Variants in KIF3A observed in about 807,000 individuals in gnomAD.
KIF3A encodes kinesin-like protein KIF3A.
KIF3A carries 27 observed loss-of-function variants against 92.6 expected under a neutral mutation model. The observed-to-expected ratio is 0.29, with a 90% confidence interval of 0.21 to 0.40. KIF3A has a LOEUF of 0.40. KIF3A is among the 10% of genes least tolerant of loss of function. The probability of loss-of-function intolerance (pLI) is 1.00; values close to 1 mark genes in which losing one functional copy is unlikely to be tolerated. For missense variants in KIF3A, 581 were observed against 872.6 expected, an observed-to-expected ratio of 0.67 and a Z score of 4.21; for synonymous variants, 250 against 275.4, an observed-to-expected ratio of 0.91 and a Z score of 0.92.
rs889782733 is a variant in KIF3A, at chr5:132,715,545, A to T, written c.1129+212T>A. On this transcript the variant is annotated intron_variant, in intron 8 of 18. Coordinates refer to ENST00000403231, the MANE Select transcript of KIF3A (RefSeq NM_001300791.2). Reference sequence around the variant, plus strand: ...AAACATCATGCAAATGTTTTTAAAAAACCACATACACAAATATTATGTAAT... The same window carrying T: ...AAACATCATGCAAATGTTTTTAAAATACCACATACACAAATATTATGTAAT... Among the ~76,000 whole-genome samples the T allele has an allele frequency of 2.0e-5, 3 of 152,234 alleles. No individual in the cohort carries two copies. In the East Asian group the frequency reaches 5.8e-4, roughly 29 times the overall value.
intron 18 of KIF3A, among the ~76,000 whole-genome samples, chr5:132,698,174 A>G (rs1039974051): frequency 1.3e-5 from 2 of 152,180 alleles, no homozygotes; most frequent in African/African-American, 2.4e-5. Context: ...AGATATCAAA[A>G]CCGTACAACT....
intron 9 of KIF3A, among the ~76,000 whole-genome samples, chr5:132,709,230 C>T (rs1333260572): frequency 6.6e-6 from 1 of 152,106 alleles, no homozygotes; most frequent in East Asian, 1.9e-4. Flanking sequence ...GCAGATCCTA[C>T]TGGTCACCTA....
At chr5:132,736,800 C>T (rs1204938744) in intron 1 of KIF3A, 4 of 460,372 alleles carry the variant, frequency 8.7e-6, no homozygotes, top group Admixed American at 2.6e-5. Flanking sequence ...CTCCATGACC[C>T]CTAATAAGGG....
At chr5:132,722,676 C>T (rs1462189060) in intron 4 of KIF3A, among the ~76,000 whole-genome samples, 3 of 152,130 alleles carry the variant, frequency 2.0e-5, no homozygotes, top group Non-Finnish European at 4.4e-5. Context: ...AGACAAAGTG[C>T]TTTTCCATAT....
chr5:132,730,294 C>T (rs1365911114), intron 2 of KIF3A, among the ~76,000 whole-genome samples: 4 of 151,864 alleles, frequency 2.6e-5, no homozygotes, highest in African/African-American at 9.7e-5. Context: ...CGGTGAAACC[C>T]GTCCCTACTA....
chr5:132,737,479 G>C lies in KIF3A; in HGVS notation c.-60C>G, dbSNP rs1193947141. ...CCCGGGGTGCAGCCCAGCGACACCG[G>C]GTGCGCAGAAAGGATGGCCAGAGAC... On this transcript the variant is annotated 5_prime_UTR_variant, in exon 1 of 19. Coordinates refer to ENST00000403231, the MANE Select transcript of KIF3A (RefSeq NM_001300791.2). 8 of 1,588,112 alleles carry C rather than the reference G, an allele frequency of 5.0e-6. No homozygotes were observed. Among genetic ancestry groups the C allele is most frequent in the Non-Finnish European group, 6.9e-6 (8 of 1,167,696 alleles).
chr5:132,735,736 C>G (rs1754369580), intron 1 of KIF3A, among the ~76,000 whole-genome samples: 1 of 152,210 alleles, frequency 6.6e-6, no homozygotes, highest in African/African-American at 2.4e-5. Flanking sequence ...TGTCAACACA[C>G]ATCTAATCAT....
chr5:132,721,119 G>A (rs990030015), intron 4 of KIF3A, among the ~76,000 whole-genome samples: 3 of 152,168 alleles, frequency 2.0e-5, no homozygotes, highest in South Asian at 2.1e-4. Context: ...TTAACAAACC[G>A]AAAAAGACAA....
intron 15 of KIF3A, among the ~76,000 whole-genome samples, chr5:132,701,268 C>T (rs1005952407): frequency 4.6e-5 from 7 of 152,018 alleles, no homozygotes; most frequent in East Asian, 3.9e-4. Flanking sequence ...GAGGCCAAAA[C>T]GGGCAGATCA....
chr5:132,705,471 TCAAAACCC>T (rs1253419008), intron 11 of KIF3A, among the ~76,000 whole-genome samples: 2 of 151,974 alleles, frequency 1.3e-5, no homozygotes, highest in Non-Finnish European at 2.9e-5. Flanking sequence ...AAAAACAGTT[TCAAAACCC>T]ATTAAGAAGC....
At chr5:132,711,251 T>C (rs1753413523) in intron 8 of KIF3A, among the ~76,000 whole-genome samples, 194 bp from the exon 9 acceptor site, 1 of 152,198 alleles carries the variant, frequency 6.6e-6, no homozygotes, top group Non-Finnish European at 1.5e-5. Flanking sequence ...AAAGACTTTA[T>C]TTTTAAAGTC....
intron 1 of KIF3A, among the ~76,000 whole-genome samples, chr5:132,737,187 C>G (rs1326266099): frequency 6.6e-6 from 1 of 152,250 alleles, no homozygotes; most frequent in Non-Finnish European, 1.5e-5. Flanking sequence ...GATGCAGCAG[C>G]GACGAGGGCG....
At position 132,734,235 on chromosome 5, in the gene KIF3A, T is replaced by C. The variant is rs552164449; in HGVS notation, c.250A>G (p.Ile84Val). The C allele has an allele frequency of 6.8e-6, 11 of 1,613,574 alleles. No homozygotes were observed. The highest frequency in any genetic ancestry group is 8.5e-6 in the Non-Finnish European group (10 of 1,179,734). Residue 84 changes from isoleucine to valine, a missense_variant, in exon 2 of 19, where the codon ATT (isoleucine) becomes GTT (valine). This residue lies in a region of KIF3A where 217 missense variants were observed against 299.7 expected (regional missense o/e 0.72). Coordinates refer to ENST00000403231, the MANE Select transcript of KIF3A (RefSeq NM_001300791.2). The stretch of plus-strand genomic sequence containing the variant: ...TAGCCTTCAAGTACAGAATCAATAA[T>C]AGGTCTTGCAGTTAAGTTATAAACA... ...LDVYNLTARP[I>V]IDSVLEGYNG...
At chr5:132,703,754 C>G in intron 11 of KIF3A, 135 bp from the exon 12 acceptor site, 1 of 620,756 alleles carries the variant, frequency 1.6e-6, no homozygotes, top group Non-Finnish European at 2.7e-6. Flanking sequence ...TTAAGGAAAT[C>G]AAACCAATAA....
Position 132,737,493 on chromosome 5 carries a change from A to T in KIF3A, c.-74T>A. 1 of 1,559,442 alleles carries T rather than the reference A, an allele frequency of 6.4e-7. No homozygotes were observed. The highest frequency in any genetic ancestry group is 8.7e-7 in the Non-Finnish European group (1 of 1,144,716). ...CAGCGACACCGGGTGCGCAGAAAGG[A>T]TGGCCAGAGACTACCGAAACACCTC... is the stretch of plus-strand genomic sequence containing the variant. On this transcript the variant is annotated 5_prime_UTR_variant, in exon 1 of 19. Coordinates refer to ENST00000403231, the MANE Select transcript of KIF3A (RefSeq NM_001300791.2).
At chr5:132,716,642 G>T (rs537878968) in intron 6 of KIF3A, among the ~76,000 whole-genome samples, 200 bp from the exon 7 acceptor site, 1 of 152,264 alleles carries the variant, frequency 6.6e-6, no homozygotes, top group Admixed American at 6.5e-5. Context: ...TGGGAGTTGG[G>T]TGATCAGTGT....
chr5:132,693,702 C>T lies in KIF3A; in HGVS notation c.*2932G>A, dbSNP rs992896922. On this transcript the variant is annotated 3_prime_UTR_variant, in exon 19 of 19. Transcript: ENST00000403231. Reference sequence around the variant, plus strand: ...ATAGATATTCAGACCAGGCTTGAGGCCAGGCGTGGTGGCTCACACCTGTAA... The same window carrying T: ...ATAGATATTCAGACCAGGCTTGAGGTCAGGCGTGGTGGCTCACACCTGTAA... The T allele has an allele frequency of 2.6e-5, 4 of 152,546 alleles. No individual in the cohort carries two copies. The highest frequency in any genetic ancestry group is 9.7e-5 in the African/African-American group (4 of 41,404). The allele number at this position is 152,546 out of a possible 1,614,324, so 9.4% of individuals were successfully genotyped here.
At chr5:132,735,774 G>T (rs1434188157) in intron 1 of KIF3A, among the ~76,000 whole-genome samples, 1 of 152,210 alleles carries the variant, frequency 6.6e-6, no homozygotes, top group African/African-American at 2.4e-5. Flanking sequence ...AAATTCTTCA[G>T]TGGTTTCCCA....
At chr5:132,690,875 T>G (rs924222681), downstream of KIF3A, among the ~76,000 whole-genome samples, 1 of 151,940 alleles carries the variant, frequency 6.6e-6, no homozygotes, top group Non-Finnish European at 1.5e-5. Flanking sequence ...TGCAGTGAGC[T>G]GAAATCGTGC....
Sources: gnomAD v4.1 joint callset for allele counts (sites outside exome capture counted in the v4.1 genomes callset) on GRCh38, gnomAD v4.1.1 for gene constraint, gnomAD v4.1.1 regional missense constraint, MANE v1.5 for transcripts, NCBI Gene and HGNC (gene_info 2026-07-23, HGNC 2026-07-21) for gene names.